Variants in KIAA1549L observed in about 807,000 individuals in gnomAD.
KIAA1549L encodes KIAA1549 like, also known as UPF0606 protein KIAA1549L.
Under a neutral mutation model 160.7 loss-of-function variants are expected in KIAA1549L, and 88 were observed. The ratio of observed to expected loss-of-function variants is 0.55; its 90% CI spans 0.46 to 0.65. KIAA1549L has a LOEUF of 0.65. Among genes scored for constraint, KIAA1549L ranks in the 30% least tolerant of loss-of-function variants. KIAA1549L has a pLI of 0.00. For missense variants in KIAA1549L, 2,258 were observed against 2,437.5 expected, an observed-to-expected ratio of 0.93 and a Z score of 1.55; for synonymous variants, 950 against 976.7, an observed-to-expected ratio of 0.97 and a Z score of 0.51.
chr11:33,576,305 G>A (rs1855445371), intron 10 of KIAA1549L, among the ~76,000 whole-genome samples: 1 of 152,120 alleles, frequency 6.6e-6, no homozygotes, highest in South Asian at 2.1e-4. Flanking sequence ...ACCTTGTATT[G>A]TCTTGCTCGG....
intron 1 of KIAA1549L, among the ~76,000 whole-genome samples, chr11:33,390,755 G>A (rs754111953): frequency 6.6e-6 from 1 of 152,182 alleles, no homozygotes; most frequent in Non-Finnish European, 1.5e-5. Flanking sequence ...TGGTAAGCTT[G>A]TTCTATGGAA....
Position 33,424,957 on chromosome 11 carries a change from C to T in KIAA1549L, c.238+48068C>T, listed in dbSNP as rs184340457. ...AGCTAAACTCCTCCAGTCAAGAGAC[C>T]ATGGGTCTCCAGTATCTCCAAATGC... On this transcript the variant is annotated intron_variant, in intron 1 of 20. Transcript: ENST00000658780. Among the ~76,000 whole-genome samples, 3 of 152,302 alleles carry T rather than the reference C, an allele frequency of 2.0e-5. No homozygotes were observed. In the East Asian group the frequency reaches 5.8e-4, roughly 29 times the overall value.
Position 33,432,340 on chromosome 11 carries a change from G to C in KIAA1549L, c.238+55451G>C, listed in dbSNP as rs1018484556. Among the ~76,000 whole-genome samples, 8 of 152,318 alleles carry C rather than the reference G, an allele frequency of 5.3e-5. No homozygotes were observed. The South Asian group carries it at 8.3e-4, about 16-fold the overall frequency. On this transcript the variant is annotated intron_variant, in intron 1 of 20. Transcript: ENST00000658780. ...GGGAAATCTCACTTTACTTGACCCT[G>C]ACTCATGGTGACTTACAATTAGGAT... is the stretch of plus-strand genomic sequence containing the variant.
At chr11:33,379,175 T>G (rs1403565897) in intron 1 of KIAA1549L, among the ~76,000 whole-genome samples, 1 of 152,140 alleles carries the variant, frequency 6.6e-6, no homozygotes, top group Admixed American at 6.5e-5. Flanking sequence ...CAGACATTTG[T>G]CTTGGTTGAA....
At chr11:33,430,942 G>A (rs940885149) in intron 1 of KIAA1549L, among the ~76,000 whole-genome samples, 3 of 152,290 alleles carry the variant, frequency 2.0e-5, no homozygotes, top group South Asian at 2.1e-4. Context: ...GGACCCTCGC[G>A]GTGAGTGTTA....
intron 20 of KIAA1549L, among the ~76,000 whole-genome samples, chr11:33,663,096 A>C (rs952116658): frequency 5.9e-5 from 9 of 152,238 alleles, no homozygotes; most frequent in African/African-American, 2.2e-4. Context: ...GGAGGCTCAG[A>C]GAGACCAGTT....
chr11:33,617,830 T>TGGATGGATGGATGGAG (rs58020701), intron 15 of KIAA1549L, among the ~76,000 whole-genome samples: 1 of 149,940 alleles, frequency 6.7e-6, no homozygotes, highest in African/African-American at 2.5e-5. Flanking sequence ...GATGGATGGA[T>TGGATGGATGGATGGAG]AGGTAGGTGG....
At chr11:33,651,799 C>T (rs577600592) in intron 17 of KIAA1549L, among the ~76,000 whole-genome samples, 9 of 151,306 alleles carry the variant, frequency 5.9e-5, no homozygotes, top group Admixed American at 3.9e-4. Flanking sequence ...CATTCCCTCC[C>T]GAGGGACACT....
intron 17 of KIAA1549L, among the ~76,000 whole-genome samples, chr11:33,654,053 A>T (rs192794256): frequency 1.3e-5 from 2 of 151,876 alleles, no homozygotes; most frequent in Admixed American, 6.6e-5. Context: ...GCCCACTGCA[A>T]CCCCCAACTT....
chr11:33,416,699 T>C (rs904028633), intron 1 of KIAA1549L, among the ~76,000 whole-genome samples: 1 of 152,160 alleles, frequency 6.6e-6, no homozygotes, highest in Non-Finnish European at 1.5e-5. Context: ...CTCTTTGGAT[T>C]GTAAGGGACA....
intron 18 of KIAA1549L, among the ~76,000 whole-genome samples, chr11:33,657,568 G>A (rs147404957): frequency 0.017 from 2,541 of 152,244 alleles, 67 homozygotes; most frequent in African/African-American, 0.058. Flanking sequence ...AGGCTGAGGC[G>A]GGTGGATCAT....
At chr11:33,533,097 G>C (rs1427064177) in intron 1 of KIAA1549L, among the ~76,000 whole-genome samples, 3 of 152,182 alleles carry the variant, frequency 2.0e-5, no homozygotes, top group Admixed American at 2.0e-4. Context: ...TAGGCCTGAT[G>C]GGGGAGAGGT....
At chr11:33,409,368 G>A (rs1239935612) in intron 1 of KIAA1549L, among the ~76,000 whole-genome samples, 1 of 152,150 alleles carries the variant, frequency 6.6e-6, no homozygotes, top group Non-Finnish European at 1.5e-5. Context: ...AATAACAGAT[G>A]ACATTTGCTA....
intron 16 of KIAA1549L, among the ~76,000 whole-genome samples, chr11:33,639,570 C>T (rs1034792813): frequency 2.0e-5 from 3 of 152,274 alleles, no homozygotes; most frequent in East Asian, 3.9e-4. Context: ...GATGGAGTCT[C>T]GCTCTGTCAC....
rs1312230242 is a variant in KIAA1549L, at chr11:33,543,806, C to T, written c.2243C>T (p.Thr748Ile). 1.2e-6 allele frequency: 2 copies of T among 1,613,952 alleles called. No individual in the cohort carries two copies. The highest frequency in any genetic ancestry group is 1.3e-5 in the African/African-American group (1 of 74,954). Residue 748 changes from threonine to isoleucine, a missense_variant, in exon 2 of 21, where the codon ACT becomes ATT. Physicochemically the swap from Thr to Ile is moderately conservative, Grantham distance 89 (BLOSUM62 -1). This residue lies in a region of KIAA1549L where 287 missense variants were observed against 292.3 expected (regional missense o/e 0.98). Transcript: ENST00000658780. ...CCAACAGCTCCTCCCAATGGTTTAA[C>T]TTCAGCTGCCGATGCCATAAAATCT... ...LAPTAPPNGL[T>I]SAADAIKSQD...
chr11:33,562,769 C>A (rs549227740), intron 8 of KIAA1549L, among the ~76,000 whole-genome samples: 1 of 151,202 alleles, frequency 6.6e-6, no homozygotes, highest in East Asian at 2.0e-4. Flanking sequence ...ACCTCCACCT[C>A]CTGGGTTCAA....
At chr11:33,435,792 ATATAT>A (rs1403673768) in intron 1 of KIAA1549L, among the ~76,000 whole-genome samples, 21 of 13,042 alleles carry the variant, frequency 1.6e-3, no homozygotes, top group East Asian at 6.0e-3. Context: ...ATATATATAT[ATATAT>A]ATATATATAT....
At chr11:33,493,727 C>G (rs1241893859) in intron 1 of KIAA1549L, among the ~76,000 whole-genome samples, 1 of 152,202 alleles carries the variant, frequency 6.6e-6, no homozygotes, top group Non-Finnish European at 1.5e-5. Context: ...CTACCTCTTC[C>G]CTAGTGCCAC....
chr11:33,434,353 A>G (rs533797914), intron 1 of KIAA1549L, among the ~76,000 whole-genome samples: 1 of 152,264 alleles, frequency 6.6e-6, no homozygotes, highest in East Asian at 1.9e-4. Flanking sequence ...GCCTTCCACC[A>G]TATTGTGAGG....
Sources: allele counts gnomAD v4.1 joint callset (sites outside exome capture counted in the v4.1 genomes callset), GRCh38; gene constraint gnomAD v4.1.1; regional missense constraint gnomAD v4.1.1; transcripts MANE v1.5; gene names NCBI Gene and HGNC (gene_info 2026-07-23, HGNC 2026-07-21).